KLF11: variants seen among roughly 807,000 people sequenced by gnomAD.
KLF11 encodes the protein Krueppel-like factor 11.
In KLF11, 26 loss-of-function variants were observed where a neutral mutation model predicts 29.9. The observed-to-expected ratio is 0.87, with a 90% confidence interval of 0.64 to 1.21. KLF11 has a LOEUF of 1.21. KLF11 is among the 50% of genes most tolerant of loss of function. The pLI, the probability that KLF11 is intolerant of heterozygous loss-of-function variation, is 0.00. For missense variants in KLF11, 778 were observed against 665.7 expected (o/e 1.17, Z -1.86); for synonymous variants, 318 against 257.4 (o/e 1.24, Z -2.25).
rs1661256656 is a variant in KLF11, at chr2:10,047,734, T to C, written c.397T>C (p.Cys133Arg). 12 of 1,613,576 alleles carry C rather than the reference T, an allele frequency of 7.4e-6. No homozygotes were observed. The highest frequency in any genetic ancestry group is 1.0e-5 in the Non-Finnish European group (12 of 1,180,034). Residue 133 changes from cysteine to arginine, a missense_variant, in exon 3 of 4, where the codon TGT becomes CGT. Physicochemically the swap from Cys to Arg is radical, Grantham distance 180. Coordinates refer to ENST00000305883, the MANE Select transcript of KLF11 (RefSeq NM_003597.5). ...VSPQVTDSKA[C>R]TATDVLQSSA... ...TCCCCAAGTAACAGATTCCAAAGCA[T>C]GTACAGCCACGGATGTTCTCCAGTC...
intron 3 of KLF11, among the ~76,000 whole-genome samples, chr2:10,051,169 A>G (rs1287592183): frequency 2.0e-5 from 3 of 151,142 alleles, no homozygotes; most frequent in African/African-American, 4.9e-5. Context: ...CAGCCTCCCA[A>G]AGTGCTGGGA....
intron 1 of KLF11, 23 bp downstream of exon 1, chr2:10,043,781 C>T (rs1485981309): frequency 2.2e-6 from 3 of 1,365,358 alleles, no homozygotes; most frequent in African/African-American, 1.5e-5. Flanking sequence ...GCTGCCGCGG[C>T]GGGACTACTC....
Position 10,050,536 on chromosome 2 carries a change from C to T in KLF11, c.1259-1691C>T, listed in dbSNP as rs141730804. ...ACCATCCTGGCCAACATGGTGAAAC[C>T]CCGTCTCTACTAAAAATACAAAAAT... On this transcript the variant is annotated intron_variant, in intron 3 of 3. Coordinates refer to ENST00000305883, the MANE Select transcript of KLF11 (RefSeq NM_003597.5). 6.4e-4 allele frequency among the ~76,000 whole-genome samples: 98 copies of T among 152,092 alleles called. 1 individual carries two copies. In the East Asian group the frequency reaches 0.018, roughly 28 times the overall value.
chr2:10,044,211 A>T (rs1283476794), intron 1 of KLF11: 5 of 904,104 alleles, frequency 5.5e-6, no homozygotes, highest in African/African-American at 2.3e-5. Context: ...GGCTAGCGGT[A>T]GTGCCGCTCG....
intron 2 of KLF11, among the ~76,000 whole-genome samples, chr2:10,047,443 C>T (rs10929630): frequency 6.6e-6 from 1 of 152,206 alleles, no homozygotes; most frequent in South Asian, 2.1e-4. Context: ...GCACTGGGCT[C>T]TTGTGTAGGT....
At chr2:10,045,465 C>G (rs896300830) in intron 1 of KLF11, among the ~76,000 whole-genome samples, 4 of 152,164 alleles carry the variant, frequency 2.6e-5, no homozygotes, top group African/African-American at 9.7e-5. Context: ...CCACTGCACT[C>G]CAGCCTGGGC....
intron 1 of KLF11, among the ~76,000 whole-genome samples, chr2:10,045,302 C>T (rs1431588611): frequency 6.6e-6 from 1 of 152,116 alleles, no homozygotes; most frequent in African/African-American, 2.4e-5. Context: ...GCGGACGCCT[C>T]CCAGCTACTC....
rs1404662310 is a variant in KLF11, at chr2:10,043,725, G to T, written c.9G>T (p.Thr3=). The change falls in exon 1 of 4, where the codon ACG becomes ACT. Residue 3 remains threonine (T), a synonymous_variant. Coordinates refer to ENST00000305883, the MANE Select transcript of KLF11 (RefSeq NM_003597.5). The part of the protein sequence containing the change: MH[T]PDFAGPDDAR... ...CCCGGCCGGCCTGCACGATGCACAC[G>T]CCGGACTTCGCAGGCCCAGACGACG... 4 of 1,365,246 alleles carry T rather than the reference G, an allele frequency of 2.9e-6. No individual in the cohort carries two copies. Among genetic ancestry groups the T allele is most frequent in the Admixed American group, 2.4e-5 (1 of 42,474 alleles). 84.6% of individuals were successfully genotyped at this position (1,365,246 alleles called of 1,614,324 possible).
chr2:10,047,559 G>A, intron 2 of KLF11, 91 bp from the exon 3 acceptor site: 1 of 1,108,424 alleles, frequency 9.0e-7, no homozygotes, highest in Non-Finnish European at 1.3e-6. Context: ...GTGTCTAGAT[G>A]ATTCTGTGTA....
intron 1 of KLF11, among the ~76,000 whole-genome samples, chr2:10,045,312 C>G (rs964047244): frequency 6.6e-6 from 1 of 151,368 alleles, no homozygotes; most frequent in Non-Finnish European, 1.5e-5. Context: ...CCCAGCTACT[C>G]TGGAGGCTGA....
At chr2:10,045,416 C>A (rs1439382639) in intron 1 of KLF11, among the ~76,000 whole-genome samples, 2 of 150,048 alleles carry the variant, frequency 1.3e-5, no homozygotes, top group Non-Finnish European at 3.0e-5. Flanking sequence ...AAAAATTACC[C>A]AAGTGTGGTG....
intron 3 of KLF11, among the ~76,000 whole-genome samples, chr2:10,051,355 C>G (rs1017082631): frequency 6.6e-6 from 1 of 152,052 alleles, no homozygotes; most frequent in Non-Finnish European, 1.5e-5. Flanking sequence ...ATTACAGGCA[C>G]CCACCACCAC....
At chr2:10,047,536 C>A in intron 2 of KLF11, 114 bp from the exon 3 acceptor site, 1 of 932,030 alleles carries the variant, frequency 1.1e-6, no homozygotes, top group Non-Finnish European at 1.7e-6. Flanking sequence ...ATGTTGAAAA[C>A]AGGGTTAACT....
intron 1 of KLF11, chr2:10,044,199 G>A: frequency 2.2e-6 from 2 of 918,366 alleles, no homozygotes; most frequent in South Asian, 1.0e-4. Flanking sequence ...CGGGTTAAGA[G>A]CGGCTAGCGG....
Position 10,052,613 on chromosome 2 carries a change from C to T in KLF11, c.*106C>T, listed in dbSNP as rs1457666614. 3.9e-5 allele frequency: 48 copies of T among 1,221,030 alleles called. No individual in the cohort carries two copies. Among genetic ancestry groups the T allele is most frequent in the South Asian group, 9.0e-5 (7 of 77,404 alleles). 75.6% of individuals were successfully genotyped at this position (1,221,030 alleles called of 1,614,324 possible). A position where few individuals can be genotyped will look rare whatever the true frequency, so the allele number is the denominator to read the frequency against. Reference sequence around the variant, plus strand: ...CCTCACCCAAAAAAAACGGTCTTGGCGGCCTAGGGGAAGATCGGGGAGCTG... The same window carrying T: ...CCTCACCCAAAAAAAACGGTCTTGGTGGCCTAGGGGAAGATCGGGGAGCTG... On this transcript the variant is annotated 3_prime_UTR_variant, in exon 4 of 4. Transcript: ENST00000305883.
chr2:10,048,908 C>CTTT (rs58347649), intron 3 of KLF11, among the ~76,000 whole-genome samples: 3 of 121,630 alleles, frequency 2.5e-5, no homozygotes, highest in Non-Finnish European at 3.3e-5. Context: ...ACGTTTCATC[C>CTTT]TTTTTTTTTT....
intron 3 of KLF11, among the ~76,000 whole-genome samples, chr2:10,049,457 T>C (rs1022641702): frequency 6.6e-6 from 1 of 152,232 alleles, no homozygotes; most frequent in African/African-American, 2.4e-5. Flanking sequence ...TGCAGTCTGG[T>C]GTTCAGACAT....
chr2:10,043,721 A>C lies in KLF11; in HGVS notation c.5A>C (p.His2Pro). The change falls in exon 1 of 4, where the codon CAC becomes CCC. Residue 2 changes from histidine (H) to proline (P), a missense_variant. Transcript: ENST00000305883. ...TGCTCCCGGCCGGCCTGCACGATGC[A>C]CACGCCGGACTTCGCAGGCCCAGAC... MHTPDFAGPDDA... is the reference protein window; with the variant it reads MPTPDFAGPDDA... The C allele has an allele frequency of 7.3e-7, 1 of 1,372,256 alleles. No homozygotes were observed. Among genetic ancestry groups the C allele is most frequent in the African/African-American group, 1.5e-5 (1 of 64,856 alleles). 85.0% of individuals were successfully genotyped at this position (1,372,256 alleles called of 1,614,324 possible). A position where few individuals can be genotyped will look rare whatever the true frequency, so the allele number is the denominator to read the frequency against.
chr2:10,047,390 A>G (rs1329593026), intron 2 of KLF11, among the ~76,000 whole-genome samples: 1 of 152,136 alleles, frequency 6.6e-6, no homozygotes, highest in Non-Finnish European at 1.5e-5. Flanking sequence ...AGGGTTGCAG[A>G]AGTGGTGGGC....
Sources: allele counts gnomAD v4.1 joint callset (sites outside exome capture counted in the v4.1 genomes callset), GRCh38; gene constraint gnomAD v4.1.1; transcripts MANE v1.5; gene names NCBI Gene and HGNC (gene_info 2026-07-23, HGNC 2026-07-21).